Variants in CCSER1 observed in about 807,000 individuals in gnomAD.
CCSER1 encodes serine-rich coiled-coil domain-containing protein 1.
In CCSER1, 41 loss-of-function variants were observed where a neutral mutation model predicts 82.0. The ratio of observed to expected loss-of-function variants is 0.50; its 90% CI spans 0.39 to 0.65. The LOEUF is 0.65. Ranked by LOEUF, CCSER1 falls within the 30% of genes least tolerant of loss-of-function variation. The pLI, the probability that CCSER1 is intolerant of heterozygous loss-of-function variation, is 0.00. For synonymous variants in CCSER1, 414 were observed against 383.9 expected (o/e 1.08, Z -0.92); for missense variants, 1,119 against 1,064.2 (o/e 1.05, Z -0.72).
At position 91,236,312 on chromosome 4, in the gene CCSER1, C is replaced by A. The variant is rs370631662; in HGVS notation, c.2217+150318C>A. Among the ~76,000 whole-genome samples, 18 of 151,730 alleles carry A rather than the reference C, an allele frequency of 1.2e-4. No homozygotes were observed. In the South Asian group the frequency reaches 2.1e-3, roughly 17 times the overall value. The stretch of plus-strand genomic sequence containing the variant: ...ACCATCCTGGCCAACATGGTGAAAC[C>A]CCGTCTCTACTAAAAATACAAAAAT... On this transcript the variant is annotated intron_variant, in intron 10 of 10. Coordinates refer to ENST00000509176, the MANE Select transcript of CCSER1 (RefSeq NM_001145065.2).
chr4:90,843,441 C>T (rs536182793), intron 8 of CCSER1, among the ~76,000 whole-genome samples: 49 of 152,268 alleles, frequency 3.2e-4, no homozygotes, highest in African/African-American at 1.1e-3. Flanking sequence ...TCTTAACCTG[C>T]ATTAATTTAT....
At chr4:91,410,666 AG>A (rs1319862121) in intron 10 of CCSER1, among the ~76,000 whole-genome samples, 1 of 152,192 alleles carries the variant, frequency 6.6e-6, no homozygotes, top group Non-Finnish European at 1.5e-5. Context: ...AATGAAATAA[AG>A]GAAAGTATTA....
chr4:91,342,441 C>A (rs1289826609), intron 10 of CCSER1, among the ~76,000 whole-genome samples: 2 of 152,180 alleles, frequency 1.3e-5, no homozygotes, highest in East Asian at 3.9e-4. Flanking sequence ...TGGAAAGTCA[C>A]AAAAATATAA....
intron 9 of CCSER1, among the ~76,000 whole-genome samples, chr4:91,078,719 T>C (rs936642439): frequency 2.0e-5 from 3 of 151,786 alleles, no homozygotes; most frequent in Non-Finnish European, 2.9e-5. Context: ...GAAAAAACAG[T>C]GTAGAGAAGT....
At chr4:91,150,730 T>A (rs570528829) in intron 10 of CCSER1, among the ~76,000 whole-genome samples, 1 of 151,154 alleles carries the variant, frequency 6.6e-6, no homozygotes, top group South Asian at 2.1e-4. Flanking sequence ...TTCTGCATCA[T>A]GTGGTTTTTG....
At chr4:90,132,784 A>G (rs1452722822) in intron 1 of CCSER1, among the ~76,000 whole-genome samples, 1 of 152,234 alleles carries the variant, frequency 6.6e-6, no homozygotes, top group Non-Finnish European at 1.5e-5. Flanking sequence ...TTGGTTTTGC[A>G]TCATTTACAC....
intron 3 of CCSER1, among the ~76,000 whole-genome samples, chr4:90,342,423 G>A (rs938048283): frequency 6.6e-6 from 1 of 151,950 alleles, no homozygotes; most frequent in Non-Finnish European, 1.5e-5. Flanking sequence ...TCACCCTTAC[G>A]CCATCCTCCT....
At position 90,731,672 on chromosome 4, in the gene CCSER1, T is replaced by C. The variant is rs367863491; in HGVS notation, c.2010+7681T>C. On this transcript the variant is annotated intron_variant, in intron 7 of 10. Transcript: ENST00000509176. ...ATCATTTTAAATAAACATGGCATCA[T>C]TGTGGTTCTCTAATGGGAATAAATT... is the stretch of plus-strand genomic sequence containing the variant. Among the ~76,000 whole-genome samples, 13 of 152,258 alleles carry C rather than the reference T, an allele frequency of 8.5e-5. No homozygotes were observed. The East Asian group carries it at 1.9e-3, about 23-fold the overall frequency.
chr4:91,164,816 T>C (rs1731853446), intron 10 of CCSER1, among the ~76,000 whole-genome samples: 1 of 152,208 alleles, frequency 6.6e-6, no homozygotes, highest in African/African-American at 2.4e-5. Context: ...CTGTTCATTC[T>C]AGTTAGCCAT....
At chr4:90,465,943 C>T (rs1763575401) in intron 4 of CCSER1, among the ~76,000 whole-genome samples, 1 of 151,864 alleles carries the variant, frequency 6.6e-6, no homozygotes, top group Non-Finnish European at 1.5e-5. Context: ...ACTGAATATA[C>T]AGTATATATA....
chr4:90,358,889 CA>C (rs571626350), intron 3 of CCSER1, among the ~76,000 whole-genome samples: 79 of 152,224 alleles, frequency 5.2e-4, no homozygotes, highest in Middle Eastern at 3.4e-3. Context: ...GCACTTAAGT[CA>C]TTGTAGAGCA....
chr4:91,554,790 A>C (rs1349777863), intron 10 of CCSER1, among the ~76,000 whole-genome samples: 1 of 151,310 alleles, frequency 6.6e-6, no homozygotes, highest in African/African-American at 2.4e-5. Context: ...AATATATCCT[A>C]AAGCTCTCTA....
At chr4:91,139,857 T>C (rs900309784) in intron 10 of CCSER1, among the ~76,000 whole-genome samples, 21 of 152,182 alleles carry the variant, frequency 1.4e-4, no homozygotes, top group Non-Finnish European at 7.4e-5. Flanking sequence ...CAAGTACTTT[T>C]TTTCAGCCAG....
At chr4:90,599,710 C>T (rs1783810844) in intron 5 of CCSER1, among the ~76,000 whole-genome samples, 1 of 152,186 alleles carries the variant, frequency 6.6e-6, no homozygotes, top group Non-Finnish European at 1.5e-5. Context: ...TCCTTTGCTG[C>T]ACTCTGGCAC....
intron 10 of CCSER1, among the ~76,000 whole-genome samples, chr4:91,577,387 C>A (rs1338228841): frequency 6.6e-6 from 1 of 151,814 alleles, no homozygotes; most frequent in Non-Finnish European, 1.5e-5. Context: ...AAGTCTAAAT[C>A]ACACTAAAAT....
In CCSER1 at chr4:90,704,631, C is replaced by G. The variant is rs949156953; in HGVS notation, c.1933-19283C>G. On this transcript the variant is annotated intron_variant, in intron 6 of 10. Coordinates refer to ENST00000509176, the MANE Select transcript of CCSER1 (RefSeq NM_001145065.2). ...TATACCAATCAGACCTAGATTTGGT[C>G]TTTTCACATAGTCCCATATTTCTTG... 7.9e-5 allele frequency among the ~76,000 whole-genome samples: 12 copies of G among 152,342 alleles called. No individual in the cohort carries two copies. The South Asian group carries it at 2.5e-3, about 32-fold the overall frequency.
At chr4:90,233,391 C>A (rs1745061297) in intron 1 of CCSER1, among the ~76,000 whole-genome samples, 1 of 152,032 alleles carries the variant, frequency 6.6e-6, no homozygotes. Context: ...CCCAACACCG[C>A]ATATTCTCAC....
intron 1 of CCSER1, among the ~76,000 whole-genome samples, chr4:90,211,913 G>T (rs1271416568): frequency 2.6e-5 from 4 of 152,096 alleles, no homozygotes; most frequent in Non-Finnish European, 5.9e-5. Context: ...CTTAAAGTTG[G>T]ACGGAAACAC....
intron 7 of CCSER1, among the ~76,000 whole-genome samples, chr4:90,749,069 T>C (rs1748079711): frequency 2.0e-5 from 3 of 151,730 alleles, no homozygotes; most frequent in South Asian, 2.1e-4. Context: ...ATTTTGGCTT[T>C]TGTTGCCGTT....
Sources: allele counts gnomAD v4.1 joint callset (sites outside exome capture counted in the v4.1 genomes callset), GRCh38; gene constraint gnomAD v4.1.1; transcripts MANE v1.5; gene names NCBI Gene and HGNC (gene_info 2026-07-23, HGNC 2026-07-21).